AXDND1: variants seen among roughly 807,000 people sequenced by gnomAD.
AXDND1 encodes axonemal dynein light chain domain containing 1, also known as axonemal dynein light chain domain-containing protein 1.
A neutral mutation model predicts 137.5 loss-of-function variants in AXDND1; 110 were observed. That is an observed-to-expected ratio of 0.80 (90% CI 0.69 to 0.94). The LOEUF (loss-of-function observed/expected upper bound fraction) is 0.94. Ranked by LOEUF, AXDND1 falls within the 40% of genes least tolerant of loss-of-function variation. AXDND1 has a pLI of 0.00. For missense variants in AXDND1, 1,191 were observed against 1,169.8 expected, an observed-to-expected ratio of 1.02 and a Z score of -0.26; for synonymous variants, 414 against 399.7, an observed-to-expected ratio of 1.04 and a Z score of -0.43.
intron 15 of AXDND1, among the ~76,000 whole-genome samples, chr1:179,441,638 T>TA (rs1659004421): frequency 6.6e-6 from 1 of 152,226 alleles, no homozygotes; most frequent in Non-Finnish European, 1.5e-5. Context: ...CTGTGACACT[T>TA]ACATGTATGT....
intron 2 of AXDND1, among the ~76,000 whole-genome samples, 192 bp from the exon 3 acceptor site, chr1:179,368,608 G>A (rs756868193): frequency 6.6e-6 from 1 of 152,136 alleles, no homozygotes; most frequent in Admixed American, 6.6e-5. Context: ...GAGTAGGGTA[G>A]GCAAGATGAA....
chr1:179,450,925 A>G (rs1660465479), intron 16 of AXDND1: 1 of 152,254 alleles, frequency 6.6e-6, no homozygotes, highest in South Asian at 2.1e-4. Context: ...CACTGTCTCA[A>G]AAAAACGTAA....
chr1:179,502,974 A>G (rs1285009261), intron 20 of AXDND1, among the ~76,000 whole-genome samples: 1 of 151,976 alleles, frequency 6.6e-6, no homozygotes, highest in Non-Finnish European at 1.5e-5. Flanking sequence ...GCATGCCTGT[A>G]ATCCCAGCTA....
chr1:179,374,525 CAT>C (rs1668379773), intron 4 of AXDND1, among the ~76,000 whole-genome samples: 2 of 152,152 alleles, frequency 1.3e-5, no homozygotes. Context: ...CACATGCACA[CAT>C]ATGTTTATTG....
chr1:179,552,453 T>C (rs1673426800), intron 25 of AXDND1: 5 of 699,752 alleles, frequency 7.1e-6, no homozygotes, highest in South Asian at 6.2e-5. Context: ...ATTAACACAC[T>C]TTAAGAGAGC....
intron 17 of AXDND1, among the ~76,000 whole-genome samples, chr1:179,481,128 C>G (rs986095102): frequency 3.9e-5 from 6 of 152,048 alleles, no homozygotes. Context: ...TGCTGTCCCT[C>G]CCCACTTTCC....
chr1:179,387,589 T>C (rs1312390258), intron 9 of AXDND1, among the ~76,000 whole-genome samples: 1 of 152,256 alleles, frequency 6.6e-6, no homozygotes, highest in African/African-American at 2.4e-5. Flanking sequence ...CTTATTTGGA[T>C]GCTGTATATT....
intron 20 of AXDND1, 23 bp downstream of exon 20, chr1:179,492,974 AGTTTTGTTTTT>A (rs760791632): frequency 2.6e-6 from 4 of 1,509,866 alleles, no homozygotes; most frequent in South Asian, 1.2e-5. Context: ...TCTTCCCCTT[AGTTTTGTTTTT>A]GTTTTGTTTG....
At chr1:179,497,145 A>G (rs1667523158) in intron 20 of AXDND1, among the ~76,000 whole-genome samples, 2 of 152,140 alleles carry the variant, frequency 1.3e-5, no homozygotes, top group Non-Finnish European at 2.9e-5. Flanking sequence ...TCCATGTACA[A>G]TTGAGAAGAA....
chr1:179,554,603 C>T lies in AXDND1; in HGVS notation c.*84C>T. ...GGAGAGCATGCCTAAACCCTGGTGGCCATTGTTCTGTACTAAGGAACAACA... is the reference window on the plus strand; with the variant it reads ...GGAGAGCATGCCTAAACCCTGGTGGTCATTGTTCTGTACTAAGGAACAACA... On this transcript the variant is annotated 3_prime_UTR_variant, in exon 26 of 26. Coordinates refer to ENST00000367618, the MANE Select transcript of AXDND1 (RefSeq NM_144696.6). 6.3e-7 allele frequency: 1 copy of T among 1,599,530 alleles called. No homozygotes were observed. Among genetic ancestry groups the T allele is most frequent in the East Asian group, 2.2e-5 (1 of 44,784 alleles).
chr1:179,525,561 A>G (rs1670456605), intron 22 of AXDND1, 114 bp downstream of exon 22: 2 of 1,258,328 alleles, frequency 1.6e-6, no homozygotes, highest in African/African-American at 1.5e-5. Flanking sequence ...CTGTGGTATC[A>G]TCATAGCTCA....
chr1:179,395,071 A>G (rs1373916006), intron 10 of AXDND1, 27 bp from the exon 11 acceptor site: 4 of 1,571,542 alleles, frequency 2.5e-6, no homozygotes, highest in East Asian at 4.5e-5. Context: ...CCAAATATGA[A>G]TTAAAAATTT....
At chr1:179,499,083 A>G (rs527241238) in intron 20 of AXDND1, among the ~76,000 whole-genome samples, 22 of 152,294 alleles carry the variant, frequency 1.4e-4, no homozygotes, top group African/African-American at 4.1e-4. Flanking sequence ...TACTGTCTAC[A>G]TACCAAAAGA....
intron 25 of AXDND1, chr1:179,552,506 G>A: frequency 1.1e-6 from 1 of 933,534 alleles, no homozygotes; most frequent in Non-Finnish European, 1.7e-6. Context: ...CTTCTGCCCA[G>A]TGCCTAATGA....
At chr1:179,511,393 G>GGT (rs59772845) in intron 21 of AXDND1, among the ~76,000 whole-genome samples, 68,935 of 144,884 alleles carry the variant, frequency 0.48, 17,417 homozygotes, top group Non-Finnish European at 0.58. Context: ...TGGTATATGG[G>GGT]GTGTGTGTGT....
At chr1:179,513,994 T>G (rs1187681073) in intron 21 of AXDND1, among the ~76,000 whole-genome samples, 2 of 152,186 alleles carry the variant, frequency 1.3e-5, no homozygotes, top group Non-Finnish European at 2.9e-5. Flanking sequence ...ATCAAATTTA[T>G]TTATCTTTTC....
intron 9 of AXDND1, among the ~76,000 whole-genome samples, chr1:179,392,695 G>A (rs1650388230): frequency 6.6e-6 from 1 of 152,104 alleles, no homozygotes; most frequent in Non-Finnish European, 1.5e-5. Flanking sequence ...TTTCATTGTA[G>A]TTTTAAATTG....
At chr1:179,375,363 T>A (rs974528989) in intron 4 of AXDND1, among the ~76,000 whole-genome samples, 1 of 151,934 alleles carries the variant, frequency 6.6e-6, no homozygotes, top group Non-Finnish European at 1.5e-5. Context: ...CTTGGCCCCC[T>A]AAAATACTAG....
At chr1:179,471,276 T>C (rs947085932) in intron 17 of AXDND1, among the ~76,000 whole-genome samples, 8 of 152,212 alleles carry the variant, frequency 5.3e-5, no homozygotes, top group African/African-American at 1.7e-4. Flanking sequence ...TCTTTATCTT[T>C]TGGAAGATAT....
Sources: allele counts gnomAD v4.1 joint callset (sites outside exome capture counted in the v4.1 genomes callset), GRCh38; gene constraint gnomAD v4.1.1; transcripts MANE v1.5; gene names NCBI Gene and HGNC (gene_info 2026-07-23, HGNC 2026-07-21).